The following CHLSN variants were observed in gnomAD, a reference collection of about 807,000 sequenced individuals.
The protein encoded by CHLSN is protein cholesin.
chr7:1,135,534 A>T, the CHLSN span, among the ~76,000 whole-genome samples: 1 of 151,264 alleles, frequency 6.6e-6, no homozygotes, highest in African/African-American at 2.4e-5. Flanking sequence ...TGGGAGGCCG[A>T]GGCGGGGAGA....
chr7:1,095,081 C>T, the CHLSN span, among the ~76,000 whole-genome samples: 4 of 152,264 alleles, frequency 2.6e-5, no homozygotes, highest in Non-Finnish European at 5.9e-5. Context: ...GCTTGAGCCA[C>T]GACTCAGGCC....
chr7:1,127,417 A>G, the CHLSN span: 1 of 1,581,096 alleles, frequency 6.3e-7, no homozygotes, highest in Non-Finnish European at 8.6e-7. Context: ...TGCTGAAGAC[A>G]AGGAAATGAA....
At chr7:1,007,633 G>A in the CHLSN span, among the ~76,000 whole-genome samples, 2 of 152,150 alleles carry the variant, frequency 1.3e-5, no homozygotes, top group East Asian at 3.9e-4. Flanking sequence ...CCTGGTGTGT[G>A]GATCCCAGGC....
chr7:1,019,659 G>A, the CHLSN span, among the ~76,000 whole-genome samples: 6 of 152,334 alleles, frequency 3.9e-5, no homozygotes, highest in East Asian at 9.7e-4. Context: ...TCCAGTGGCC[G>A]CCAAGAACCT....
chr7:1,123,344 G>A, the CHLSN span, among the ~76,000 whole-genome samples: 88 of 152,336 alleles, frequency 5.8e-4, no homozygotes, highest in African/African-American at 1.8e-3. This position sits in a 1 kb window ranked among gnomAD's most constrained non-coding sequence, Gnocchi z 4.4. Flanking sequence ...ACGGGGCCCC[G>A]GGAGTGGCCG....
chr7:1,085,032 A>G, the CHLSN span, among the ~76,000 whole-genome samples: 17 of 152,316 alleles, frequency 1.1e-4, no homozygotes, highest in African/African-American at 3.6e-4. Context: ...CAGCACAAGG[A>G]CTGGGCTTTG....
the CHLSN span, among the ~76,000 whole-genome samples, chr7:1,048,368 G>A: frequency 6.6e-6 from 1 of 152,136 alleles, no homozygotes; most frequent in Non-Finnish European, 1.5e-5. Flanking sequence ...CCTTGGAGCA[G>A]AGGATTCCTC....
At chr7:1,105,620 T>C in the CHLSN span, among the ~76,000 whole-genome samples, 8 of 152,200 alleles carry the variant, frequency 5.3e-5, no homozygotes, top group African/African-American at 1.9e-4. Context: ...TCTCTTTATT[T>C]TATTCATATT....
At chr7:1,115,555 AC>A in the CHLSN span, among the ~76,000 whole-genome samples, 71 of 140,156 alleles carry the variant, frequency 5.1e-4, 11 homozygotes, top group Middle Eastern at 4.3e-3. Flanking sequence ...CTACAGCTCT[AC>A]GGACAGGCTT....
At chr7:1,055,522 TG>T in the CHLSN span, 1 of 447,940 alleles carries the variant, frequency 2.2e-6, no homozygotes, top group Non-Finnish European at 4.5e-6. Flanking sequence ...AGAGGGGACG[TG>T]GGGGGCTCTG....
the CHLSN span, among the ~76,000 whole-genome samples, chr7:1,086,337 T>C: frequency 6.6e-6 from 1 of 152,260 alleles, no homozygotes; most frequent in Non-Finnish European, 1.5e-5. Flanking sequence ...AAATTGTGTC[T>C]CAGGCATTTT....
chr7:1,095,084 C>G, the CHLSN span, among the ~76,000 whole-genome samples: 1 of 151,478 alleles, frequency 6.6e-6, no homozygotes, highest in African/African-American at 2.4e-5. Context: ...TGAGCCACGA[C>G]TCAGGCCCGG....
At chr7:1,136,519 A>G in the CHLSN span, among the ~76,000 whole-genome samples, 22,621 of 99,494 alleles carry the variant, frequency 0.23, 2,695 homozygotes, top group Non-Finnish European at 0.26. Flanking sequence ...AACATATATA[A>G]ATATATATAA....
At chr7:1,009,602 G>A in the CHLSN span, among the ~76,000 whole-genome samples, 1 of 152,162 alleles carries the variant, frequency 6.6e-6, no homozygotes, top group East Asian at 1.9e-4. Flanking sequence ...AGGCCACCAC[G>A]AGTTCCCTCC....
the CHLSN span, among the ~76,000 whole-genome samples, chr7:1,083,268 G>A: frequency 2.0e-5 from 3 of 152,236 alleles, no homozygotes; most frequent in Non-Finnish European, 1.5e-5. Context: ...CACGCCCAGG[G>A]GCTGACGGGC....
At chr7:1,122,527 G>C in the CHLSN span, among the ~76,000 whole-genome samples, 1 of 152,210 alleles carries the variant, frequency 6.6e-6, no homozygotes, top group Non-Finnish European at 1.5e-5. Flanking sequence ...AGTGAGACTG[G>C]AGAGGCAGGG....
At chr7:1,081,617 G>A in the CHLSN span, among the ~76,000 whole-genome samples, 7 of 152,232 alleles carry the variant, frequency 4.6e-5, no homozygotes, top group Non-Finnish European at 7.3e-5. Context: ...CCAGGTACCA[G>A]GACCTCATGC....
chr7:1,066,869 AC>A, the CHLSN span, among the ~76,000 whole-genome samples: 1,980 of 119,130 alleles, frequency 0.017, 35 homozygotes, highest in Middle Eastern at 0.065. Flanking sequence ...GCAGGAGTAC[AC>A]CCCAGAGGTG....
At chr7:1,060,703 A>G in the CHLSN span, among the ~76,000 whole-genome samples, 1 of 152,096 alleles carries the variant, frequency 6.6e-6, no homozygotes, top group Admixed American at 6.5e-5. Flanking sequence ...GGGATTAGAG[A>G]ACAGTTTTCT....
Sources: gnomAD v4.1 joint callset for allele counts (sites outside exome capture counted in the v4.1 genomes callset) on GRCh38, gnomAD v4.1.1 for gene constraint, Gnocchi (gnomAD v3.1) non-coding constraint, MANE v1.5 for transcripts, NCBI Gene and HGNC (gene_info 2026-07-23, HGNC 2026-07-21) for gene names.